The following UTP25 variants were observed in gnomAD, a reference collection of about 807,000 sequenced individuals.
The protein encoded by UTP25 is U3 small nucleolar RNA-associated protein 25 homolog.
Under a neutral mutation model 78.9 loss-of-function variants are expected in UTP25, and 50 were observed. The observed-to-expected ratio is 0.63, with a 90% CI of 0.50 to 0.80. The LOEUF is 0.80. Among genes scored for constraint, UTP25 ranks in the 30% least tolerant of loss-of-function variants. UTP25 has a pLI of 0.00. For synonymous variants in UTP25, 329 were observed against 336.5 expected (o/e 0.98, Z 0.24); for missense variants, 846 against 911.3 (o/e 0.93, Z 0.92).
intron 11 of UTP25, among the ~76,000 whole-genome samples, chr1:209,850,325 T>C (rs1261504449): frequency 6.6e-6 from 1 of 152,062 alleles, no homozygotes; most frequent in African/African-American, 2.4e-5. Context: ...ACATAATAGA[T>C]CACAGTCATG....
rs948949697 is a variant in UTP25 at position 209,855,298 on chromosome 1, G to T, written c.*3851G>T. The T allele has an allele frequency of 6.6e-6, 1 of 152,230 alleles. No homozygotes were observed. The highest frequency in any genetic ancestry group is 1.5e-5 in the Non-Finnish European group (1 of 68,092). The allele number at this position is 152,230 out of a possible 1,614,324, so 9.4% of individuals were successfully genotyped here. A position where few individuals can be genotyped will look rare whatever the true frequency, so the allele number is the denominator to read the frequency against. On this transcript the variant is annotated 3_prime_UTR_variant, in exon 12 of 12. Coordinates refer to ENST00000491415, the MANE Select transcript of UTP25 (RefSeq NM_014388.7). ...TTTGCTTTGTTCCTGTTTCCCTTCT[G>T]TGAGGACCTTCCCCTCCTCAGATGT...
Position 209,842,649 on chromosome 1 carries a change from T to G in UTP25, c.1735T>G (p.Phe579Val). The change falls in exon 10 of 12, where the codon TTC (phenylalanine) becomes GTC (valine). Residue 579 changes from phenylalanine (F) to valine (V), a missense_variant. Phe to Val is a conservative substitution (Grantham distance 50). Transcript: ENST00000491415. ...TGTCCTGGTGCAGCTCCCACATGTCTTCCAGAGGATGGAAGCTGAAAACCT... is the reference window on the plus strand; with the variant it reads ...TGTCCTGGTGCAGCTCCCACATGTCGTCCAGAGGATGGAAGCTGAAAACCT... Reference protein sequence around the residue: ...SHVLVQLPHVFQRMEAENLAS... With the variant: ...SHVLVQLPHVVQRMEAENLAS... The G allele has an allele frequency of 6.2e-7, 1 of 1,613,710 alleles. No individual in the cohort carries two copies. The highest frequency in any genetic ancestry group is 1.1e-5 in the South Asian group (1 of 90,906).
At chr1:209,848,807 T>C (rs2078212633) in intron 11 of UTP25, among the ~76,000 whole-genome samples, 1 of 152,232 alleles carries the variant, frequency 6.6e-6, no homozygotes, top group Admixed American at 6.5e-5. Flanking sequence ...GTGTCTTCTA[T>C]AACTTTCAAT....
chr1:209,833,952 T>C (rs910209897), intron 4 of UTP25, among the ~76,000 whole-genome samples: 1 of 152,144 alleles, frequency 6.6e-6, no homozygotes, highest in Non-Finnish European at 1.5e-5. Flanking sequence ...GCAAGTCAGG[T>C]TGGTCTCGTT....
chr1:209,851,330 T>C lies in UTP25; in HGVS notation c.2154T>C (p.Thr718=). ...GAGAAGAGGCCACGTGGACCTGCAC[T>C]GTTCTCTACTCCAAATATGATGCCC... The part of the protein sequence containing the change: ...NRGEEATWTC[T]VLYSKYDAQR... Residue 718 remains threonine (T), a synonymous_variant, in exon 12 of 12, where the codon ACT becomes ACC. Transcript: ENST00000491415. The C allele has an allele frequency of 6.2e-7, 1 of 1,614,202 alleles. No homozygotes were observed. Among genetic ancestry groups the C allele is most frequent in the South Asian group, 1.1e-5 (1 of 91,082 alleles).
chr1:209,828,400 G>GCTTT, intron 1 of UTP25, among the ~76,000 whole-genome samples: 2 of 85,550 alleles, frequency 2.3e-5, no homozygotes, highest in African/African-American at 4.5e-5. Flanking sequence ...TGTGGGGGAG[G>GCTTT]ATTTTTTTTT....
rs34804480 is a variant in UTP25, at chr1:209,854,331, GA to G, written c.*2889del. The G allele has an allele frequency of 1.3e-5, 2 of 150,818 alleles. No individual in the cohort carries two copies. Among genetic ancestry groups the G allele is most frequent in the African/African-American group, 4.9e-5 (2 of 41,014 alleles). The allele number at this position is 150,818 out of a possible 1,614,324, so 9.3% of individuals were successfully genotyped here. A position where few individuals can be genotyped will look rare whatever the true frequency, so the allele number is the denominator to read the frequency against. ...GCTTAGCACTTTTCTTTTTGAGAGA[GA>G]AAAAGCTTTGAATCGTGGATGCTTC... On this transcript the variant is annotated 3_prime_UTR_variant, in exon 12 of 12. Transcript: ENST00000491415.
intron 5 of UTP25, among the ~76,000 whole-genome samples, chr1:209,835,842 C>T (rs2078129815): frequency 6.6e-6 from 1 of 152,196 alleles, no homozygotes; most frequent in Non-Finnish European, 1.5e-5. Flanking sequence ...AGCCAGGAAA[C>T]TGACATTGAT....
Position 209,833,188 on chromosome 1 carries a change from T to C in UTP25, c.392T>C (p.Val131Ala). Residue 131 changes from valine (V) to alanine (A), a missense_variant, in exon 4 of 12, where the codon GTA (valine) becomes GCA (alanine). Physicochemically the swap from Val to Ala is moderately conservative, Grantham distance 64 (BLOSUM62 0). Coordinates refer to ENST00000491415, the MANE Select transcript of UTP25 (RefSeq NM_014388.7). The stretch of plus-strand genomic sequence containing the variant: ...AAAATGTTTCTCAAAACTGCAGATG[T>C]AGCTTTATCTGCTGACCCTGAGGGA... ...AAESTESPEN[V>A]ALSADPEGKE... 6.2e-7 allele frequency: 1 copy of C among 1,611,966 alleles called. No homozygotes were observed. Among genetic ancestry groups the C allele is most frequent in the East Asian group, 2.2e-5 (1 of 44,790 alleles).
chr1:209,843,560 T>C lies in UTP25; in HGVS notation c.1891T>C (p.Phe631Leu), dbSNP rs1399937674. 6.2e-7 allele frequency: 1 copy of C among 1,614,086 alleles called. No homozygotes were observed. Among genetic ancestry groups the C allele is most frequent in the African/African-American group, 1.3e-5 (1 of 74,934 alleles). The change falls in exon 11 of 12, where the codon TTC becomes CTC. Residue 631 changes from phenylalanine to leucine, a missense_variant. Coordinates refer to ENST00000491415, the MANE Select transcript of UTP25 (RefSeq NM_014388.7). ...YFDFVRLRNY[F>L]KKEELNFTHI... ...TGACTTCGTGCGTCTTCGAAATTAC[T>C]TCAAGAAGGAGGAATTGAATTTTAC...
rs889380090 is a variant in UTP25, at chr1:209,857,545, A to C, written c.*6098A>C. ...GTATGTATATATATGCTTTTGCATT[A>C]AAAGGTGGTTTTGAAGGTAACATTT... On this transcript the variant is annotated 3_prime_UTR_variant, in exon 12 of 12. Coordinates refer to ENST00000491415, the MANE Select transcript of UTP25 (RefSeq NM_014388.7). The C allele has an allele frequency of 1.3e-5, 2 of 152,190 alleles. No homozygotes were observed. The highest frequency in any genetic ancestry group is 4.8e-5 in the African/African-American group (2 of 41,446). The allele number at this position is 152,190 out of a possible 1,614,324, so 9.4% of individuals were successfully genotyped here.
chr1:209,833,333 C>T lies in UTP25; in HGVS notation c.537C>T (p.Asp179=), dbSNP rs775436621. The change falls in exon 4 of 12, where the codon GAC becomes GAT. Residue 179 remains aspartate (D), a synonymous_variant. Coordinates refer to ENST00000491415, the MANE Select transcript of UTP25 (RefSeq NM_014388.7). ...ATTTTCTGGAAGAGGAAAGTGGAGA[C>T]AACTCTTCTTTGAAAGCCTCTCAAG... ...ETNFLEEESG[D]NSSLKASQDP... The T allele has an allele frequency of 2.1e-5, 33 of 1,581,916 alleles. No individual in the cohort carries two copies. Among genetic ancestry groups the T allele is most frequent in the Non-Finnish European group, 2.7e-5 (32 of 1,167,648 alleles).
chr1:209,851,118 G>C (rs921261423), intron 11 of UTP25, 86 bp from the exon 12 acceptor site: 125 of 1,457,454 alleles, frequency 8.6e-5, no homozygotes, highest in Non-Finnish European at 1.1e-4. Flanking sequence ...CAACAAGCAT[G>C]AACTATGCCT....
Position 209,830,967 on chromosome 1 carries a change from A to T in UTP25, c.312A>T (p.Glu104Asp), listed in dbSNP as rs758671970. ...AAGACAGTATTGTAGATGATGCAGA[A>T]ATGAACGATGAAGATGGTGGTAGCG... ...EEEDSIVDDA[E>D]MNDEDGGSDV... Residue 104 changes from glutamate (E) to aspartate (D), a missense_variant, in exon 3 of 12, where the codon GAA becomes GAT. Coordinates refer to ENST00000491415, the MANE Select transcript of UTP25 (RefSeq NM_014388.7). The T allele has an allele frequency of 1.2e-6, 2 of 1,613,990 alleles. No individual in the cohort carries two copies. Among genetic ancestry groups the T allele is most frequent in the African/African-American group, 2.7e-5 (2 of 74,934 alleles).
At chr1:209,843,871 T>C in intron 11 of UTP25, 175 bp downstream of exon 11, 2 of 852,080 alleles carry the variant, frequency 2.3e-6, no homozygotes, top group Non-Finnish European at 1.8e-6. Context: ...GTTGGTTAGT[T>C]GGTTTTCTCC....
At chr1:209,845,836 A>T (rs1256427793) in intron 11 of UTP25, among the ~76,000 whole-genome samples, 1 of 150,086 alleles carries the variant, frequency 6.7e-6, no homozygotes, top group African/African-American at 2.5e-5. Context: ...ACCTTAGAAT[A>T]AGTACTTTTT....
rs751078042 is a variant in UTP25 at position 209,828,037 on chromosome 1, C to A, written c.-27C>A. On this transcript the variant is annotated 5_prime_UTR_variant, in exon 1 of 12. Transcript: ENST00000491415. ...TCCTGGTGGAAAACCGCGACTCTTG[C>A]AAGTGGGCAAACTTGACGTTTTCGC... 69 of 1,592,056 alleles carry A rather than the reference C, an allele frequency of 4.3e-5. No individual in the cohort carries two copies. The highest frequency in any genetic ancestry group is 8.6e-7 in the Non-Finnish European group (1 of 1,160,140).
chr1:209,837,750 G>C (rs563570724), intron 6 of UTP25, among the ~76,000 whole-genome samples: 1 of 152,274 alleles, frequency 6.6e-6, no homozygotes, highest in South Asian at 2.1e-4. Flanking sequence ...TTAAAGTGAT[G>C]CGTTTGTATT....
At chr1:209,840,815 G>A (rs770964773) in intron 7 of UTP25, 38 bp from the exon 8 acceptor site, 18 of 1,605,038 alleles carry the variant, frequency 1.1e-5, no homozygotes, top group Non-Finnish European at 1.4e-5. Flanking sequence ...GCTTGGTAGT[G>A]ACTAATGAAT....
Sources: allele counts gnomAD v4.1 joint callset (sites outside exome capture counted in the v4.1 genomes callset), GRCh38; gene constraint gnomAD v4.1.1; transcripts MANE v1.5; gene names NCBI Gene and HGNC (gene_info 2026-07-23, HGNC 2026-07-21).